Variants in TRIP11 observed in about 807,000 individuals in gnomAD.
TRIP11 encodes thyroid hormone receptor interactor 11, also known as thyroid receptor-interacting protein 11.
In TRIP11, 148 loss-of-function variants were observed where a neutral mutation model predicts 223.1. That is an observed-to-expected ratio of 0.66 (90% confidence interval 0.58 to 0.76). The LOEUF is 0.76. TRIP11 is among the 30% of genes least tolerant of loss of function. The probability of loss-of-function intolerance (pLI) is 0.00; values close to 1 mark genes in which losing one functional copy is unlikely to be tolerated. For synonymous variants in TRIP11, 762 were observed against 772.6 expected, an observed-to-expected ratio of 0.99 and a Z score of 0.23; for missense variants, 2,043 against 2,222.0, an observed-to-expected ratio of 0.92 and a Z score of 1.62.
Position 92,039,580 on chromosome 14 carries a change from C to G in TRIP11, c.106G>C (p.Asp36His). The G allele has an allele frequency of 6.2e-7, 1 of 1,613,952 alleles. No individual in the cohort carries two copies. The highest frequency in any genetic ancestry group is 1.1e-5 in the South Asian group (1 of 91,000). The change falls in exon 1 of 21, where the codon GAT becomes CAT. Residue 36 changes from aspartate to histidine, a missense_variant. Physicochemically the swap from Asp to His is moderately conservative, Grantham distance 81. Transcript: ENST00000267622. ...TCCTCCGTGCCCTCCATCAGCATAT[C>G]CTTTGTAAAGTTTGATATCTGGCCA... ...LTGQISNFTK[D>H]MLMEGTEEVE...
intron 4 of TRIP11, 103 bp downstream of exon 4, chr14:92,021,453 G>T (rs2057113564): frequency 1.8e-6 from 2 of 1,125,796 alleles, no homozygotes; most frequent in Non-Finnish European, 2.6e-6. Flanking sequence ...CTATTTCCTA[G>T]TCCAGGGTTC....
chr14:91,975,966 T>G (rs2056458747), intron 17 of TRIP11, 142 bp downstream of exon 17: 1 of 681,414 alleles, frequency 1.5e-6, no homozygotes, highest in African/African-American at 1.8e-5. Context: ...TCATTAAAGC[T>G]GCATCCTTCC....
intron 13 of TRIP11, among the ~76,000 whole-genome samples, chr14:91,996,058 AG>A (rs2056747172): frequency 6.6e-6 from 1 of 152,242 alleles, no homozygotes; most frequent in Non-Finnish European, 1.5e-5. Context: ...AGTGGCACTA[AG>A]TACATTCACA....
intron 16 of TRIP11, among the ~76,000 whole-genome samples, chr14:91,987,407 T>A (rs1449379314): frequency 6.6e-6 from 1 of 152,170 alleles, no homozygotes; most frequent in Non-Finnish European, 1.5e-5. Context: ...CCTGCCGGCT[T>A]GCCTCCCTAG....
intron 6 of TRIP11, 43 bp downstream of exon 6, chr14:92,015,653 A>T (rs752913760): frequency 6.7e-7 from 1 of 1,502,204 alleles, no homozygotes; most frequent in Non-Finnish European, 9.0e-7. Flanking sequence ...TGGAGACTCC[A>T]TCTCAAAAAA....
chr14:92,005,064 G>GT lies in TRIP11; in HGVS notation c.2911dup (p.Thr971AsnfsTer3). 17 of 1,613,834 alleles carry GT rather than the reference G, an allele frequency of 1.1e-5. No homozygotes were observed. Among genetic ancestry groups the GT allele is most frequent in the Non-Finnish European group, 1.4e-5 (17 of 1,179,994 alleles). On this transcript the variant is annotated frameshift_variant, in exon 11 of 21. Coordinates refer to ENST00000267622, the MANE Select transcript of TRIP11 (RefSeq NM_004239.4). LOFTEE classifies it high-confidence loss of function. The stretch of plus-strand genomic sequence containing the variant: ...CAACTGGGTTTTGATTTGTTCAATT[G>GT]TTTTTTGCAAACTCTTAATTTCCTC...
In TRIP11 at chr14:91,995,521, A is replaced by G. The variant is rs754099905; in HGVS notation, c.4893-6T>C. 5.0e-6 allele frequency: 8 copies of G among 1,614,028 alleles called. No homozygotes were observed. Among genetic ancestry groups the G allele is most frequent in the Non-Finnish European group, 6.8e-6 (8 of 1,179,952 alleles). Reference sequence around the variant, plus strand: ...CCTGCACACTGGCTTGATGGCTTCAAACAAAAAGAATAAAAGTCAAACTGC... The same window carrying G: ...CCTGCACACTGGCTTGATGGCTTCAGACAAAAAGAATAAAAGTCAAACTGC... On this transcript the variant is annotated splice_polypyrimidine_tract_variant and splice_region_variant and intron_variant, in intron 13 of 20. Transcript: ENST00000267622.
chr14:92,025,748 C>T (rs1464157302), intron 2 of TRIP11, among the ~76,000 whole-genome samples: 1 of 151,982 alleles, frequency 6.6e-6, no homozygotes, highest in Non-Finnish European at 1.5e-5. Flanking sequence ...GGCGTGGTGG[C>T]GTGTGCCCGT....
intron 16 of TRIP11, among the ~76,000 whole-genome samples, chr14:91,976,893 G>C (rs1341488771): frequency 6.6e-6 from 1 of 152,220 alleles, no homozygotes; most frequent in African/African-American, 2.4e-5. Context: ...AATTACAACA[G>C]GAGATACCCT....
At chr14:92,035,360 G>T (rs2057312658) in intron 1 of TRIP11, among the ~76,000 whole-genome samples, 4 of 151,566 alleles carry the variant, frequency 2.6e-5, no homozygotes, top group Admixed American at 2.0e-4. Context: ...TCCAGAGTTA[G>T]ATTTTTTTTC....
intron 2 of TRIP11, chr14:92,026,525 T>C (rs1284137772): frequency 4.3e-6 from 5 of 1,158,316 alleles, no homozygotes; most frequent in Non-Finnish European, 6.5e-6. Context: ...ACTCTCGCTT[T>C]CTTTTTAATC....
At chr14:92,030,203 C>CAAA (rs55828319) in intron 2 of TRIP11, among the ~76,000 whole-genome samples, 126 of 67,048 alleles carry the variant, frequency 1.9e-3, no homozygotes, top group Non-Finnish European at 2.3e-3. Context: ...GACTCCGTCT[C>CAAA]AAAAAAAAAA....
chr14:92,028,537 G>C (rs1480454917), intron 2 of TRIP11, among the ~76,000 whole-genome samples: 1 of 152,182 alleles, frequency 6.6e-6, no homozygotes, highest in African/African-American at 2.4e-5. Context: ...TTGGGTGACA[G>C]AGCAAGACCC....
intron 16 of TRIP11, chr14:91,977,132 C>T (rs918944797): frequency 2.3e-4 from 96 of 409,258 alleles, no homozygotes; most frequent in Admixed American, 3.4e-4. Flanking sequence ...AAACCTTTTC[C>T]TTTGAATTAT....
intron 16 of TRIP11, among the ~76,000 whole-genome samples, chr14:91,977,508 C>G (rs2056481197): frequency 7.1e-6 from 1 of 140,064 alleles, no homozygotes; most frequent in Non-Finnish European, 1.5e-5. Flanking sequence ...AGAAACTATT[C>G]TTTTGGCAAC....
intron 3 of TRIP11, among the ~76,000 whole-genome samples, chr14:92,024,995 A>T (rs908814402): frequency 1.3e-5 from 2 of 152,206 alleles, no homozygotes; most frequent in African/African-American, 4.8e-5. Flanking sequence ...AACAAATATT[A>T]GGCTTCATAA....
chr14:91,973,027 T>A (rs1286661774), intron 19 of TRIP11, among the ~76,000 whole-genome samples, 166 bp from the exon 20 acceptor site: 2 of 103,980 alleles, frequency 1.9e-5, no homozygotes, highest in East Asian at 2.0e-4. Flanking sequence ...TACTGGCACT[T>A]TTTTTTTTTT....
chr14:91,970,757 G>A (rs8022065), intron 20 of TRIP11, among the ~76,000 whole-genome samples: 78,785 of 151,948 alleles, frequency 0.52, 21,592 homozygotes, highest in African/African-American at 0.7. Context: ...ACACATTACA[G>A]CTCTTGTTTT....
chr14:91,970,178 G>A (rs955196526), intron 20 of TRIP11, among the ~76,000 whole-genome samples: 1 of 152,032 alleles, frequency 6.6e-6, no homozygotes, highest in African/African-American at 2.4e-5. Flanking sequence ...AGGCTGAGGT[G>A]GGCGGATCAC....
Sources: allele counts gnomAD v4.1 joint callset (sites outside exome capture counted in the v4.1 genomes callset), GRCh38; gene constraint gnomAD v4.1.1; transcripts MANE v1.5; gene names NCBI Gene and HGNC (gene_info 2026-07-23, HGNC 2026-07-21).